Variants in LGALS9 observed in about 807,000 individuals in gnomAD.
LGALS9 encodes the protein galectin 9, also known as galectin-9.
In LGALS9, 26 loss-of-function variants were observed where a neutral mutation model predicts 35.9. The ratio of observed to expected loss-of-function variants is 0.72; its 90% confidence interval spans 0.53 to 1.01. The LOEUF (loss-of-function observed/expected upper bound fraction) is 1.01, where lower values mean the gene tolerates loss of function less well. LGALS9 is among the 50% of genes least tolerant of loss of function. The pLI is 0.00. For synonymous variants in LGALS9, 149 were observed against 172.2 expected, an observed-to-expected ratio of 0.87 and a Z score of 1.06; for missense variants, 347 against 445.8, an observed-to-expected ratio of 0.78 and a Z score of 1.99.
intron 7 of LGALS9, 55 bp from the exon 8 acceptor site, chr17:27,646,492 A>G: frequency 4.3e-6 from 7 of 1,611,072 alleles, no homozygotes; most frequent in Non-Finnish European, 5.9e-6. Context: ...CGCCTGGGTG[A>G]GTGCTCGCGC....
intron 8 of LGALS9, 37 bp downstream of exon 8, chr17:27,646,625 G>C: frequency 1.9e-6 from 3 of 1,613,108 alleles, no homozygotes; most frequent in Non-Finnish European, 2.5e-6. Context: ...GGTTCTGTTT[G>C]TGGTGGGCAG....
chr17:27,640,808 G>T, intron 3 of LGALS9, 35 bp downstream of exon 3: 2 of 1,611,964 alleles, frequency 1.2e-6, no homozygotes, highest in South Asian at 1.1e-5. Flanking sequence ...TCTCACCCCT[G>T]GGACCCCCAG....
rs747803291 is a variant in LGALS9 at position 27,648,853 on chromosome 17, A to C, written c.939A>C (p.Glu313Asp). 44 of 1,612,020 alleles carry C rather than the reference A, an allele frequency of 2.7e-5. No homozygotes were observed. In the Admixed American group the frequency reaches 3.3e-4, roughly 12 times the overall value. Residue 313 changes from glutamate to aspartate, a missense_variant, in exon 11 of 11, where the codon GAA becomes GAC. Glu to Asp is a conservative substitution (Grantham distance 45). Transcript: ENST00000395473. Reference sequence around the variant, plus strand: ...CTGCACAGGTGTGGATCTTGTGTGAAGCTCACTGCCTCAAGGTGGCCGTGG... The same window carrying C: ...CTGCACAGGTGTGGATCTTGTGTGACGCTCACTGCCTCAAGGTGGCCGTGG... ...GQSFSVWILC[E>D]AHCLKVAVDG...
chr17:27,631,584 T>C (rs566474324), intron 1 of LGALS9, among the ~76,000 whole-genome samples: 37 of 152,272 alleles, frequency 2.4e-4, no homozygotes, highest in Middle Eastern at 3.4e-3. Flanking sequence ...GGAAGACATG[T>C]AGAGCGGGGT....
At chr17:27,632,555 G>C (rs1193493670) in intron 1 of LGALS9, among the ~76,000 whole-genome samples, 1 of 151,530 alleles carries the variant, frequency 6.6e-6, no homozygotes, top group Non-Finnish European at 1.5e-5. Context: ...AGCTGGAACA[G>C]GCCGCTGGTG....
At chr17:27,633,639 C>T (rs147622305) in intron 1 of LGALS9, among the ~76,000 whole-genome samples, 197 of 152,346 alleles carry the variant, frequency 1.3e-3, no homozygotes, top group Non-Finnish European at 2.2e-3. Flanking sequence ...GAAAAGTCCC[C>T]GGTCTCTGGG....
At chr17:27,634,544 C>T (rs1369834388) in intron 1 of LGALS9, among the ~76,000 whole-genome samples, 1 of 152,028 alleles carries the variant, frequency 6.6e-6, no homozygotes, top group Admixed American at 6.6e-5. Flanking sequence ...AGAATGAGAT[C>T]CTGTCTCAAA....
intron 1 of LGALS9, among the ~76,000 whole-genome samples, chr17:27,633,489 C>G (rs1005082215): frequency 1.3e-5 from 2 of 152,240 alleles, no homozygotes; most frequent in Non-Finnish European, 2.9e-5. Context: ...GGCACGCAGT[C>G]TTGGCCAGCC....
In LGALS9 at chr17:27,640,636, T is replaced by A; in HGVS notation, c.196T>A (p.Phe66Ile). The A allele has an allele frequency of 6.2e-7, 1 of 1,614,148 alleles. No individual in the cohort carries two copies. Among genetic ancestry groups the A allele is most frequent in the African/African-American group, 1.3e-5 (1 of 75,032 alleles). Residue 66 changes from phenylalanine to isoleucine, a missense_variant, in exon 3 of 11, where the codon TTT becomes ATT. By Grantham distance (21) the Phe-to-Ile change is conservative. Coordinates refer to ENST00000395473, the MANE Select transcript of LGALS9 (RefSeq NM_009587.3). The stretch of plus-strand genomic sequence containing the variant: ...CATTGCCTTCCACTTCAACCCTCGG[T>A]TTGAAGATGGAGGGTACGTGGTGTG... The part of the protein sequence containing the change: ...NDIAFHFNPR[F>I]EDGGYVVCNT...
chr17:27,638,722 C>T (rs2074482671), intron 2 of LGALS9: 1 of 326,058 alleles, frequency 3.1e-6, no homozygotes, highest in Non-Finnish European at 5.9e-6. Context: ...TGAAGCTCTC[C>T]TTCTGCTGAT....
rs1598184946 is a variant in LGALS9 at position 27,642,315 on chromosome 17, T to C, written c.411T>C (p.Asn137=). The change falls in exon 4 of 11, where the codon AAT becomes AAC. Residue 137 remains asparagine, a synonymous_variant. Transcript: ENST00000395473. The part of the protein sequence containing the change: ...PFHRVDTISV[N]GSVQLSYISF... ...ACCGTGTGGACACCATCTCCGTCAA[T>C]GGCTCTGTGCAGCTGTCCTACATCA... 5.6e-6 allele frequency: 9 copies of C among 1,612,288 alleles called. No individual in the cohort carries two copies. The highest frequency in any genetic ancestry group is 7.6e-6 in the Non-Finnish European group (9 of 1,179,842).
intron 3 of LGALS9, chr17:27,641,089 C>A: frequency 3.7e-6 from 2 of 545,346 alleles, no homozygotes; most frequent in East Asian, 4.4e-5. Flanking sequence ...TTCCTCCTCT[C>A]CAGGTCACTG....
chr17:27,643,184 C>A (rs948349154), intron 4 of LGALS9, among the ~76,000 whole-genome samples: 3 of 152,236 alleles, frequency 2.0e-5, no homozygotes, highest in Non-Finnish European at 4.4e-5. Context: ...GCTGCTGTTA[C>A]CCTTTTGGCA....
chr17:27,642,124 C>T, intron 3 of LGALS9, 114 bp from the exon 4 acceptor site: 2 of 1,510,342 alleles, frequency 1.3e-6, no homozygotes, highest in Non-Finnish European at 1.8e-6. Context: ...ACTGGCCCCA[C>T]ACTGAAGACC....
rs768605377 is a variant in LGALS9 at position 27,640,779 on chromosome 17, C to T, written c.333+6C>T. On this transcript the variant is annotated splice_donor_region_variant and intron_variant, in intron 3 of 10. Coordinates refer to ENST00000395473, the MANE Select transcript of LGALS9 (RefSeq NM_009587.3). Reference sequence around the variant, plus strand: ...TGCAGAGCTCAGATTTCAAGGTGAGCAAGAATCCCCTCCCCACCTCTCACC... The same window carrying T: ...TGCAGAGCTCAGATTTCAAGGTGAGTAAGAATCCCCTCCCCACCTCTCACC... 1.2e-6 allele frequency: 2 copies of T among 1,613,694 alleles called. No individual in the cohort carries two copies. The highest frequency in any genetic ancestry group is 3.3e-5 in the Admixed American group (2 of 60,000).
At chr17:27,642,104 C>T (rs1265704675) in intron 3 of LGALS9, 134 bp from the exon 4 acceptor site, 7 of 1,497,996 alleles carry the variant, frequency 4.7e-6, no homozygotes, top group Middle Eastern at 4.8e-4. Context: ...GTCACACACA[C>T]GTTCCTGTAA....
At position 27,644,884 on chromosome 17, in the gene LGALS9, G is replaced by A. The variant is rs113380271; in HGVS notation, c.541-430G>A. ...AAGTTGCTTAATCTTTCTGAGCCTC[G>A]TTGCCTCACTAGGGACACAGGAGCT... On this transcript the variant is annotated intron_variant, in intron 5 of 10. Coordinates refer to ENST00000395473, the MANE Select transcript of LGALS9 (RefSeq NM_009587.3). 9.2e-4 allele frequency: 156 copies of A among 170,100 alleles called. 1 individual carries two copies. The highest frequency in any genetic ancestry group is 3.4e-3 in the African/African-American group (142 of 41,884). The allele number at this position is 170,100 out of a possible 1,614,324, so 10.5% of individuals were successfully genotyped here. A position where few individuals can be genotyped will look rare whatever the true frequency, so the allele number is the denominator to read the frequency against.
chr17:27,646,229 T>C (rs1479341692), intron 7 of LGALS9, among the ~76,000 whole-genome samples: 3 of 152,126 alleles, frequency 2.0e-5, no homozygotes, highest in African/African-American at 7.2e-5. Context: ...CCCTGCATCC[T>C]GGGTCCCCAG....
chr17:27,642,012 A>G (rs1220321069), intron 3 of LGALS9, among the ~76,000 whole-genome samples: 1 of 152,142 alleles, frequency 6.6e-6, no homozygotes, highest in Admixed American at 6.5e-5. Context: ...AAGACTAGAA[A>G]GACAAACCTA....
Sources: allele counts gnomAD v4.1 joint callset (sites outside exome capture counted in the v4.1 genomes callset), GRCh38; gene constraint gnomAD v4.1.1; transcripts MANE v1.5; gene names NCBI Gene and HGNC (gene_info 2026-07-23, HGNC 2026-07-21).